Variants in COL24A1 observed in about 807,000 individuals in gnomAD.
COL24A1 encodes the protein collagen alpha-1(XXIV) chain.
A neutral mutation model predicts 253.9 loss-of-function variants in COL24A1; 224 were observed. That is an observed-to-expected ratio of 0.88 (90% CI 0.79 to 0.99). The LOEUF (loss-of-function observed/expected upper bound fraction) is 0.99. COL24A1 is among the 50% of genes least tolerant of loss of function. The pLI is 0.00. For synonymous variants in COL24A1, 685 were observed against 673.7 expected, an observed-to-expected ratio of 1.02 and a Z score of -0.26; for missense variants, 2,131 against 2,068.5, an observed-to-expected ratio of 1.03 and a Z score of -0.59.
chr1:86,080,391 G>A (rs960428134), intron 7 of COL24A1, among the ~76,000 whole-genome samples: 3 of 152,102 alleles, frequency 2.0e-5, no homozygotes, highest in African/African-American at 7.2e-5. Flanking sequence ...GGAAACTATA[G>A]TAAATAATAA....
At chr1:86,078,167 A>G (rs935293887) in intron 7 of COL24A1, among the ~76,000 whole-genome samples, 23 of 152,326 alleles carry the variant, frequency 1.5e-4, no homozygotes, top group African/African-American at 5.3e-4. Flanking sequence ...AATCACTGTG[A>G]TATATCATAT....
rs1328391876 is a variant in COL24A1 at position 85,868,440 on chromosome 1, T to C, written c.3300+79A>G. ...CACTGGATATATAAGGAGGTCAGAG[T>C]GTGTGTAGGTTTGTGCATGTGTACA... On this transcript the variant is annotated intron_variant, in intron 37 of 59. Transcript: ENST00000370571. The C allele has an allele frequency of 1.2e-5, 11 of 908,266 alleles. No individual in the cohort carries two copies. The East Asian group carries it at 2.5e-4, about 20-fold the overall frequency. The allele number at this position is 908,266 out of a possible 1,614,324, so 56.3% of individuals were successfully genotyped here. A position where few individuals can be genotyped will look rare whatever the true frequency, so the allele number is the denominator to read the frequency against.
intron 1 of COL24A1, among the ~76,000 whole-genome samples, chr1:86,153,824 T>C (rs539095780): frequency 6.6e-6 from 1 of 152,332 alleles, no homozygotes; most frequent in South Asian, 2.1e-4. Context: ...ATAGCCTGCC[T>C]CAGAGACCTT....
intron 3 of COL24A1, among the ~76,000 whole-genome samples, chr1:86,124,104 A>G (rs932093971): frequency 1.3e-5 from 2 of 152,050 alleles, no homozygotes; most frequent in Admixed American, 1.3e-4. Flanking sequence ...AAATGATTTT[A>G]GAAATTTTTA....
intron 32 of COL24A1, among the ~76,000 whole-genome samples, chr1:85,879,918 A>G (rs1681631601): frequency 6.6e-6 from 1 of 152,152 alleles, no homozygotes; most frequent in Non-Finnish European, 1.5e-5. Flanking sequence ...CCAATATCAC[A>G]CTGTCTTGAT....
At chr1:85,908,501 T>G (rs995831800) in intron 27 of COL24A1, 97 bp downstream of exon 27, 9 of 675,062 alleles carry the variant, frequency 1.3e-5, no homozygotes, top group Non-Finnish European at 2.0e-5. Flanking sequence ...ACACATGACT[T>G]ACTTTGAATA....
At chr1:85,794,205 A>G (rs1282230551) in intron 47 of COL24A1, among the ~76,000 whole-genome samples, 1 of 152,140 alleles carries the variant, frequency 6.6e-6, no homozygotes, top group African/African-American at 2.4e-5. Flanking sequence ...AGAACTGATT[A>G]TCCTAGATGA....
intron 2 of COL24A1, among the ~76,000 whole-genome samples, chr1:86,129,403 C>T (rs75843371): frequency 0.037 from 5,570 of 151,464 alleles, 354 homozygotes; most frequent in African/African-American, 0.13. Context: ...TGTTCATTTT[C>T]TCTATCATTA....
chr1:86,117,781 A>G (rs556787125), intron 3 of COL24A1, among the ~76,000 whole-genome samples: 1 of 152,340 alleles, frequency 6.6e-6, no homozygotes, highest in Non-Finnish European at 1.5e-5. Flanking sequence ...AGGCACTTTA[A>G]CTTTCAGATT....
chr1:86,101,256 A>T lies in COL24A1; in HGVS notation c.1600-8936T>A, dbSNP rs551770758. ...AAAAGATGATCAATGACTTTGTTGA[A>T]GTTGTATATCAGCTTAAGGAGCTTT... is the stretch of plus-strand genomic sequence containing the variant. On this transcript the variant is annotated intron_variant, in intron 5 of 59. Transcript: ENST00000370571. Among the ~76,000 whole-genome samples the T allele has an allele frequency of 1.5e-4, 23 of 152,230 alleles. 1 individual carries two copies. The South Asian group carries it at 4.8e-3, about 32-fold the overall frequency.
chr1:85,972,002 C>T (rs1304187022), intron 20 of COL24A1, among the ~76,000 whole-genome samples: 2 of 152,096 alleles, frequency 1.3e-5, no homozygotes, highest in African/African-American at 2.4e-5. Context: ...TGTTAAAAAT[C>T]GATTGCTCTC....
chr1:86,052,285 T>A (rs1052413918), intron 10 of COL24A1, among the ~76,000 whole-genome samples: 13 of 152,112 alleles, frequency 8.5e-5, no homozygotes, highest in Non-Finnish European at 1.8e-4. Context: ...GTTATTTCTA[T>A]ACCCATTCCA....
At chr1:86,091,239 T>G (rs1703470502) in intron 6 of COL24A1, among the ~76,000 whole-genome samples, 1 of 152,036 alleles carries the variant, frequency 6.6e-6, no homozygotes, top group African/African-American at 2.4e-5. Flanking sequence ...ATGTTGAGTA[T>G]GTACTCCCAA....
chr1:86,126,207 A>AT lies in COL24A1; in HGVS notation c.128dup (p.Asp43GlufsTer43). On this transcript the variant is annotated frameshift_variant, in exon 3 of 60. Coordinates refer to ENST00000370571, the MANE Select transcript of COL24A1 (RefSeq NM_152890.7). LOFTEE classifies it high-confidence loss of function. ...CTCCAAGGCCTAGTTGATGAAGAAT[A>AT]TCTATGCCTGGAAATTTAAAAAAGA... 6.4e-7 allele frequency: 1 copy of AT among 1,574,182 alleles called. No individual in the cohort carries two copies. The highest frequency in any genetic ancestry group is 2.2e-5 in the East Asian group (1 of 44,556).
intron 28 of COL24A1, 43 bp from the exon 29 acceptor site, chr1:85,896,452 CT>C (rs759020315): frequency 6.2e-5 from 92 of 1,485,548 alleles, no homozygotes; most frequent in East Asian, 2.3e-4. Flanking sequence ...TGAAATGTTC[CT>C]TTTTTTTTCT....
At chr1:86,124,062 A>G (rs180698330) in intron 3 of COL24A1, among the ~76,000 whole-genome samples, 249 of 152,118 alleles carry the variant, frequency 1.6e-3, no homozygotes, top group Admixed American at 3.7e-3. Flanking sequence ...TATTTCCAAC[A>G]CTGTGATTTT....
Position 85,734,782 on chromosome 1 carries a change from TAG to T in COL24A1, c.4963_4964del (p.Leu1655ThrfsTer2). 6.2e-7 allele frequency: 1 copy of T among 1,614,252 alleles called. No homozygotes were observed. Among genetic ancestry groups the T allele is most frequent in the Non-Finnish European group, 8.5e-7 (1 of 1,180,048 alleles). On this transcript the variant is annotated frameshift_variant, in exon 59 of 60. Coordinates refer to ENST00000370571, the MANE Select transcript of COL24A1 (RefSeq NM_152890.7). LOFTEE classifies it high-confidence loss of function. ...WNGQIFKVNT[L>X]LEPKVLSDDC... ...CATCTGAAAGCACTTTAGGTTCAAG[TAG>T]AGTGTTTACTTTAAAAATCTGGCCA...
At chr1:85,815,220 C>T (rs929367509) in intron 47 of COL24A1, among the ~76,000 whole-genome samples, 6 of 152,142 alleles carry the variant, frequency 3.9e-5, no homozygotes, top group Non-Finnish European at 8.8e-5. Flanking sequence ...AATACAGACT[C>T]TCAAACCAAT....
intron 53 of COL24A1, among the ~76,000 whole-genome samples, chr1:85,771,778 T>TTTTTTTTATTTATTTATTTA (rs375886924): frequency 6.8e-6 from 1 of 146,666 alleles, no homozygotes; most frequent in Non-Finnish European, 1.5e-5. Context: ...TGCCTGACTT[T>TTTTTTTTATTTATTTATTTA]TTTATTTATT....
Sources: allele counts gnomAD v4.1 joint callset (sites outside exome capture counted in the v4.1 genomes callset), GRCh38; gene constraint gnomAD v4.1.1; transcripts MANE v1.5; gene names NCBI Gene and HGNC (gene_info 2026-07-23, HGNC 2026-07-21).